UGT2A3: variants seen among roughly 807,000 people sequenced by gnomAD.
The protein encoded by UGT2A3 is UDP glucuronosyltransferase family 2 member A3.
In UGT2A3, 55 loss-of-function variants were observed where a neutral mutation model predicts 44.1. The ratio of observed to expected loss-of-function variants is 1.25; its 90% CI spans 1.00 to 1.56. The LOEUF is 1.56. Among genes scored for constraint, UGT2A3 ranks in the 40% most tolerant of loss-of-function variants. UGT2A3 has a pLI of 0.00. For synonymous variants in UGT2A3, 243 were observed against 215.1 expected (o/e 1.13, Z -1.13); for missense variants, 733 against 621.6 (o/e 1.18, Z -1.91).
intron 2 of UGT2A3, among the ~76,000 whole-genome samples, chr4:68,944,374 T>C (rs746988438): frequency 2.6e-5 from 4 of 151,842 alleles, no homozygotes; most frequent in Non-Finnish European, 5.9e-5. Context: ...TGACTAAATA[T>C]CCTAGAACCT....
Position 68,932,637 on chromosome 4 carries a change from G to C in UGT2A3, c.987C>G (p.Ile329Met), listed in dbSNP as rs777708972. Residue 329 changes from isoleucine (I) to methionine (M), a missense_variant, in exon 3 of 6, where the codon ATC (isoleucine) becomes ATG (methionine). Coordinates refer to ENST00000251566, the MANE Select transcript of UGT2A3 (RefSeq NM_024743.4). ...ANIIASALAQ[I>M]PQKVLWRYKG... The stretch of plus-strand genomic sequence containing the variant: ...TGGAGGTTTTACTGACCTTCTGTGG[G>C]ATCTGGGCAAGGGCTGAAGCAATGA... The C allele has an allele frequency of 1.2e-6, 2 of 1,607,432 alleles. No homozygotes were observed. Among genetic ancestry groups the C allele is most frequent in the South Asian group, 1.1e-5 (1 of 90,348 alleles).
At chr4:68,945,695 G>A (rs1318864305) in intron 1 of UGT2A3, among the ~76,000 whole-genome samples, 1 of 140,494 alleles carries the variant, frequency 7.1e-6, no homozygotes, top group Non-Finnish European at 1.6e-5. Context: ...AAGGAAGGAT[G>A]GAGGGAGGGA....
chr4:68,944,892 C>G (rs1271496990), intron 2 of UGT2A3, among the ~76,000 whole-genome samples: 1 of 151,638 alleles, frequency 6.6e-6, no homozygotes, highest in African/African-American at 2.4e-5. Context: ...TTCTCTCACT[C>G]ACCAACTCCT....
chr4:68,943,310 CCTT>C (rs1413778795), intron 2 of UGT2A3: 2 of 1,269,052 alleles, frequency 1.6e-6, no homozygotes, highest in Non-Finnish European at 2.0e-6. Flanking sequence ...TGTCAGCTCT[CCTT>C]CTGTATTTCT....
chr4:68,933,865 T>C (rs1717836042), intron 2 of UGT2A3, among the ~76,000 whole-genome samples: 1 of 152,024 alleles, frequency 6.6e-6, no homozygotes, highest in South Asian at 2.1e-4. Flanking sequence ...TTAGCTCTAC[T>C]GCACTATTTA....
chr4:68,943,161 C>T (rs538589515), intron 2 of UGT2A3: 1 of 368,162 alleles, frequency 2.7e-6, no homozygotes, highest in African/African-American at 2.3e-5. Flanking sequence ...ATGGATCTAA[C>T]TTTTTTAAAA....
At chr4:68,942,504 G>GATATATAT (rs34118122) in intron 2 of UGT2A3, among the ~76,000 whole-genome samples, 2,023 of 130,030 alleles carry the variant, frequency 0.016, 23 homozygotes, top group Admixed American at 0.032. Context: ...TTCCACTGGA[G>GATATATAT]ATATATATAT....
chr4:68,934,954 T>C (rs914847326), intron 2 of UGT2A3, among the ~76,000 whole-genome samples: 7 of 151,512 alleles, frequency 4.6e-5, no homozygotes, highest in African/African-American at 1.7e-4. Context: ...GACATGCATA[T>C]GCCAATAAAT....
intron 2 of UGT2A3, among the ~76,000 whole-genome samples, chr4:68,942,048 A>C (rs1462582811): frequency 6.6e-6 from 1 of 151,788 alleles, no homozygotes; most frequent in Non-Finnish European, 1.5e-5. Flanking sequence ...AAATTAGTAC[A>C]ATTAGTAAGG....
rs867938160 is a variant in UGT2A3, at chr4:68,945,302, C to T, written c.864+4G>A. On this transcript the variant is annotated splice_donor_region_variant and intron_variant, in intron 2 of 5. Transcript: ENST00000251566. ...CATAATATTCCTTAATACAATAGTC[C>T]TACCTTAGGCAAAGCTTTGGCAGGT... 6 of 1,610,758 alleles carry T rather than the reference C, an allele frequency of 3.7e-6. No homozygotes were observed. The Middle Eastern group carries it at 5.0e-4, about 133-fold the overall frequency.
chr4:68,944,235 G>A (rs1175018406), intron 2 of UGT2A3, among the ~76,000 whole-genome samples: 3 of 151,778 alleles, frequency 2.0e-5, no homozygotes, highest in Non-Finnish European at 4.4e-5. Flanking sequence ...TCATACAAGA[G>A]ACACAGTGGT....
In UGT2A3 at chr4:68,951,226, C is replaced by G. The variant is rs1194727724; in HGVS notation, c.535G>C (p.Glu179Gln). Reference protein sequence around the residue: ...TLRISVGGNMERSCGKLPAPL... With the variant: ...TLRISVGGNMQRSCGKLPAPL... ...GCTGGAAGTTTCCCACAGCTTCGCT[C>G]CATATTGCCTCCTACAGAAATTCTA... The change falls in exon 1 of 6, where the codon GAG (glutamate) becomes CAG (glutamine). Residue 179 changes from glutamate to glutamine, a missense_variant. Glu to Gln is a conservative substitution (Grantham distance 29). Coordinates refer to ENST00000251566, the MANE Select transcript of UGT2A3 (RefSeq NM_024743.4). 1.2e-6 allele frequency: 2 copies of G among 1,611,846 alleles called. No homozygotes were observed. Among genetic ancestry groups the G allele is most frequent in the Non-Finnish European group, 1.7e-6 (2 of 1,178,976 alleles).
Position 68,945,418 on chromosome 4 carries a change from G to C in UGT2A3, c.752C>G (p.Ala251Gly), listed in dbSNP as rs1204593983. ...PTTLCETVGKAEIWLIRTYWD... is the reference protein window; with the variant it reads ...PTTLCETVGKGEIWLIRTYWD... The stretch of plus-strand genomic sequence containing the variant: ...ATATGTTCGTATTAGCCATATCTCA[G>C]CTTTTCCCACAGTCTCACATAATGT... Residue 251 changes from alanine (A) to glycine (G), a missense_variant, in exon 2 of 6, where the codon GCT (alanine) becomes GGT (glycine). Transcript: ENST00000251566. 6.2e-7 allele frequency: 1 copy of C among 1,610,998 alleles called. No homozygotes were observed. The highest frequency in any genetic ancestry group is 8.5e-7 in the Non-Finnish European group (1 of 1,178,238).
At chr4:68,949,296 A>G (rs958730573) in intron 1 of UGT2A3, among the ~76,000 whole-genome samples, 6 of 151,804 alleles carry the variant, frequency 4.0e-5, no homozygotes, top group African/African-American at 1.5e-4. Context: ...TTTTCACTGG[A>G]ACATTTAGAA....
chr4:68,939,022 C>T (rs1474495557), intron 2 of UGT2A3, among the ~76,000 whole-genome samples: 1 of 152,104 alleles, frequency 6.6e-6, no homozygotes, highest in Non-Finnish European at 1.5e-5. Flanking sequence ...AGGAGTACTA[C>T]AAACCACTGC....
At chr4:68,932,566 A>G (rs1717774166) in intron 3 of UGT2A3, 62 bp downstream of exon 3, 1 of 1,541,378 alleles carries the variant, frequency 6.5e-7, no homozygotes, top group Non-Finnish European at 8.7e-7. Context: ...TCAAGACCCA[A>G]ATAAAACCAT....
At chr4:68,936,888 CAAAAAAAA>C (rs56737078) in intron 2 of UGT2A3, among the ~76,000 whole-genome samples, 4 of 46,336 alleles carry the variant, frequency 8.6e-5, no homozygotes, top group Non-Finnish European at 1.1e-4. Context: ...AAATGGAAAG[CAAAAAAAA>C]AAAAAAAAAA....
At chr4:68,936,331 C>A (rs1702922867) in intron 2 of UGT2A3, among the ~76,000 whole-genome samples, 1 of 152,036 alleles carries the variant, frequency 6.6e-6, no homozygotes, top group African/African-American at 2.4e-5. Flanking sequence ...AGGTTACCGA[C>A]AAAGGAAAGC....
intron 5 of UGT2A3, 102 bp from the exon 6 acceptor site, chr4:68,930,194 G>A (rs1717677538): frequency 7.8e-7 from 1 of 1,290,024 alleles, no homozygotes; most frequent in African/African-American, 1.5e-5. Flanking sequence ...CCAAGAACAT[G>A]TTCAGTAAAA....
Sources: gnomAD v4.1 joint callset for allele counts (sites outside exome capture counted in the v4.1 genomes callset) on GRCh38, gnomAD v4.1.1 for gene constraint, MANE v1.5 for transcripts, NCBI Gene and HGNC (gene_info 2026-07-23, HGNC 2026-07-21) for gene names.